Variants in AKT3 observed in about 807,000 individuals in gnomAD.
AKT3 encodes AKT serine/threonine kinase 3.
In AKT3, 15 loss-of-function variants were observed where a neutral mutation model predicts 65.3. The ratio of observed to expected loss-of-function variants is 0.23; its 90% CI spans 0.15 to 0.35. The LOEUF is 0.35. AKT3 is among the 10% of genes least tolerant of loss of function. The pLI is 1.00. For synonymous variants in AKT3, 206 were observed against 183.8 expected, an observed-to-expected ratio of 1.12 and a Z score of -0.98; for missense variants, 243 against 576.5, an observed-to-expected ratio of 0.42 and a Z score of 5.92.
At chr1:243,788,660 A>G (rs1298311532) in intron 2 of AKT3, 2 of 152,276 alleles carry the variant, frequency 1.3e-5, no homozygotes, top group Admixed American at 6.5e-5. Context: ...ACTATACTAT[A>G]GTCTTCTGTG....
intron 8 of AKT3, among the ~76,000 whole-genome samples, chr1:243,590,444 G>A (rs906722998): frequency 2.6e-5 from 4 of 151,806 alleles, no homozygotes; most frequent in African/African-American, 9.7e-5. Flanking sequence ...AAATGATTTA[G>A]CATCCAATCA....
chr1:243,578,236 A>AT (rs1301233749), intron 8 of AKT3, among the ~76,000 whole-genome samples: 1 of 152,280 alleles, frequency 6.6e-6, no homozygotes, highest in East Asian at 1.9e-4. Context: ...ACGTGCATGC[A>AT]TATGTTCACT....
At chr1:243,791,785 C>T (rs931451405) in intron 2 of AKT3, among the ~76,000 whole-genome samples, 18 of 152,284 alleles carry the variant, frequency 1.2e-4, no homozygotes, top group African/African-American at 4.3e-4. Context: ...ACAAACTGTG[C>T]TCCTGCAAGC....
rs573463509 is a variant in AKT3, at chr1:243,838,631, C to T, written c.46+4494G>A. 2.6e-5 allele frequency among the ~76,000 whole-genome samples: 4 copies of T among 152,240 alleles called. No individual in the cohort carries two copies. In the South Asian group the frequency reaches 8.3e-4, roughly 32 times the overall value. The stretch of plus-strand genomic sequence containing the variant: ...ACAAGAATCACATCTTACAGCATAA[C>T]CAAGTTCACAATCTTTATGTTGCTA... On this transcript the variant is annotated intron_variant, in intron 2 of 13. Coordinates refer to ENST00000673466, the MANE Select transcript of AKT3 (RefSeq NM_005465.7).
At chr1:243,660,369 A>C (rs2147901156) in intron 4 of AKT3, among the ~76,000 whole-genome samples, 1 of 152,272 alleles carries the variant, frequency 6.6e-6, no homozygotes, top group African/African-American at 2.4e-5. Flanking sequence ...ACCATGATCA[A>C]GTGGGCTTCA....
chr1:243,586,352 TTAAAA>T (rs1337936089), intron 8 of AKT3, among the ~76,000 whole-genome samples: 12 of 152,280 alleles, frequency 7.9e-5, no homozygotes, highest in East Asian at 5.8e-4. Context: ...TTCAAAGAAC[TTAAAA>T]TAAAGCTACC....
Position 243,786,470 on chromosome 1 carries a change from T to C in AKT3, c.46+56655A>G, listed in dbSNP as rs998257725. ...GAATGGTGGTATTGTTGTTCCTAGC[T>C]GTGCAGCCCCAATCTTAATAGCCTG... On this transcript the variant is annotated intron_variant, in intron 2 of 13. Coordinates refer to ENST00000673466, the MANE Select transcript of AKT3 (RefSeq NM_005465.7). 1.2e-4 allele frequency among the ~76,000 whole-genome samples: 19 copies of C among 152,344 alleles called. No homozygotes were observed. In the East Asian group the frequency reaches 3.5e-3, roughly 28 times the overall value.
chr1:243,743,116 G>A (rs1381079701), intron 2 of AKT3, among the ~76,000 whole-genome samples: 2 of 152,124 alleles, frequency 1.3e-5, no homozygotes, highest in Admixed American at 1.3e-4. Context: ...GAAAATGTAG[G>A]AGCACATAGA....
chr1:243,820,358 A>G (rs1209293468), intron 2 of AKT3, among the ~76,000 whole-genome samples: 2 of 152,218 alleles, frequency 1.3e-5, no homozygotes, highest in African/African-American at 4.8e-5. Flanking sequence ...GAATCAACGA[A>G]AAAAACATTG....
At chr1:243,592,147 A>G (rs1676272128) in intron 8 of AKT3, among the ~76,000 whole-genome samples, 2 of 152,084 alleles carry the variant, frequency 1.3e-5, no homozygotes, top group African/African-American at 4.8e-5. Flanking sequence ...CATCCTGGCT[A>G]ACATGGTGAA....
At chr1:243,796,030 AATGC>A in intron 2 of AKT3, among the ~76,000 whole-genome samples, 1 of 152,034 alleles carries the variant, frequency 6.6e-6, no homozygotes, top group African/African-American at 2.4e-5. Flanking sequence ...GGTGCCTCCA[AATGC>A]TGAGACTCTT....
chr1:243,569,955 A>G (rs933198014), intron 9 of AKT3, among the ~76,000 whole-genome samples: 2 of 152,216 alleles, frequency 1.3e-5, no homozygotes, highest in Non-Finnish European at 2.9e-5. Flanking sequence ...TTGGGCAATC[A>G]TGAAGCAACA....
intron 6 of AKT3, among the ~76,000 whole-genome samples, chr1:243,623,528 C>T (rs975525173): frequency 6.6e-6 from 1 of 152,054 alleles, no homozygotes; most frequent in Non-Finnish European, 1.5e-5. Flanking sequence ...CCAAATAGGA[C>T]CCAAAAAAGC....
At chr1:243,643,744 T>C (rs542398004) in intron 5 of AKT3, among the ~76,000 whole-genome samples, 39 of 152,338 alleles carry the variant, frequency 2.6e-4, no homozygotes, top group Middle Eastern at 6.8e-3. Flanking sequence ...TCATAATCAG[T>C]ACCTATTCTT....
chr1:243,644,629 A>AC (rs1680671055), intron 5 of AKT3, among the ~76,000 whole-genome samples: 1 of 152,124 alleles, frequency 6.6e-6, no homozygotes, highest in South Asian at 2.1e-4. Context: ...AAGATAATTA[A>AC]ACATAAACAT....
At chr1:243,520,209 A>ATCTT (rs1359132182) in intron 12 of AKT3, among the ~76,000 whole-genome samples, 1 of 152,222 alleles carries the variant, frequency 6.6e-6, no homozygotes, top group East Asian at 1.9e-4. Flanking sequence ...TCAGTCTGGT[A>ATCTT]TCTTTACAAG....
chr1:243,524,112 G>A (rs151260835), intron 12 of AKT3, among the ~76,000 whole-genome samples: 50 of 152,308 alleles, frequency 3.3e-4, no homozygotes, highest in Admixed American at 1.2e-3. Flanking sequence ...CAACACAATG[G>A]TAAGTATTTG....
chr1:243,835,763 G>A (rs1694855402), intron 2 of AKT3, among the ~76,000 whole-genome samples: 1 of 151,840 alleles, frequency 6.6e-6, no homozygotes, highest in Non-Finnish European at 1.5e-5. Context: ...TACTGTTAGT[G>A]GAATATACTG....
At chr1:243,843,012 T>G in intron 2 of AKT3, 113 bp downstream of exon 2, 2 of 1,077,972 alleles carry the variant, frequency 1.9e-6, no homozygotes, top group Non-Finnish European at 1.3e-6. Flanking sequence ...TCTCTCTTAC[T>G]AGACATAGCA....
Sources: gnomAD v4.1 joint callset for allele counts (sites outside exome capture counted in the v4.1 genomes callset) on GRCh38, gnomAD v4.1.1 for gene constraint, MANE v1.5 for transcripts, NCBI Gene and HGNC (gene_info 2026-07-23, HGNC 2026-07-21) for gene names.